Variants in IL1R1 observed in about 807,000 individuals in gnomAD.
The protein encoded by IL1R1 is interleukin-1 receptor type 1.
In IL1R1, 22 loss-of-function variants were observed where a neutral mutation model predicts 50.2. That is an observed-to-expected ratio of 0.44 (90% CI 0.31 to 0.63). IL1R1 has a LOEUF of 0.63. Ranked by LOEUF, IL1R1 falls within the 20% of genes least tolerant of loss-of-function variation. IL1R1 has a pLI of 0.07. For missense variants in IL1R1, 509 were observed against 676.2 expected, an observed-to-expected ratio of 0.75 and a Z score of 2.74; for synonymous variants, 251 against 236.7, an observed-to-expected ratio of 1.06 and a Z score of -0.55.
intron 1 of IL1R1, among the ~76,000 whole-genome samples, chr2:102,108,230 G>A (rs866821143): frequency 2.2e-5 from 2 of 91,852 alleles, no homozygotes; most frequent in African/African-American, 9.8e-5. Flanking sequence ...GTGTATGTAT[G>A]TGTGTGTGTG....
upstream of IL1R1, chr2:102,104,465 C>T (rs73943977): frequency 0.029 from 4,425 of 152,302 alleles, 219 homozygotes; most frequent in African/African-American, 0.099. Flanking sequence ...CGTGCAGTGG[C>T]GGGTGTTGGT....
In IL1R1 at chr2:102,164,947, G is replaced by A. The variant is rs200321568; in HGVS notation, c.235G>A (p.Glu79Lys). The change falls in exon 4 of 12, where the codon GAG becomes AAG. Residue 79 changes from glutamate (E) to lysine (K), a missense_variant. Transcript: ENST00000410023. Reference sequence around the variant, plus strand: ...AGCCTCCAGGATTCATCAACACAAAGAGAAACTTTGGTTTGTTCCTGCTAA... The same window carrying A: ...AGCCTCCAGGATTCATCAACACAAAAAGAAACTTTGGTTTGTTCCTGCTAA... ...EQASRIHQHK[E>K]KLWFVPAKVE... is the part of the protein sequence containing the mutation. 444 of 1,614,108 alleles carry A rather than the reference G, an allele frequency of 2.8e-4. 8 individuals carry two copies. The South Asian group carries it at 4.3e-3, about 16-fold the overall frequency.
intron 1 of IL1R1, among the ~76,000 whole-genome samples, chr2:102,095,812 G>A (rs1679876197): frequency 6.6e-6 from 1 of 152,154 alleles, no homozygotes; most frequent in South Asian, 2.1e-4. Flanking sequence ...AGACCATCCT[G>A]GCCAACATGG....
chr2:102,101,128 G>C (rs1246897930), upstream of IL1R1, among the ~76,000 whole-genome samples: 1 of 152,188 alleles, frequency 6.6e-6, no homozygotes, highest in East Asian at 1.9e-4. Flanking sequence ...GTCAAATATA[G>C]ATTTGAATTC....
At chr2:102,084,475 C>A (rs1264672959) in intron 1 of IL1R1, among the ~76,000 whole-genome samples, 1 of 152,130 alleles carries the variant, frequency 6.6e-6, no homozygotes, top group Non-Finnish European at 1.5e-5. Context: ...GATTTTATCG[C>A]CCCGTACAAA....
In IL1R1 at chr2:102,178,284, T is replaced by C. The variant is rs1199791069; in HGVS notation, c.*1525T>C. 1.3e-5 allele frequency: 2 copies of C among 152,276 alleles called. No homozygotes were observed. The highest frequency in any genetic ancestry group is 2.9e-5 in the Non-Finnish European group (2 of 68,028). The allele number at this position is 152,276 out of a possible 1,614,324, so 9.4% of individuals were successfully genotyped here. A position where few individuals can be genotyped will look rare whatever the true frequency, so the allele number is the denominator to read the frequency against. ...GGTGAGCACATCTGGGAGGCTGGTC[T>C]CCCTCCAGCTGGAATTGCTGCTCTC... On this transcript the variant is annotated 3_prime_UTR_variant, in exon 12 of 12. Transcript: ENST00000410023.
chr2:102,102,949 G>A (rs1680207085), upstream of IL1R1, among the ~76,000 whole-genome samples: 2 of 152,052 alleles, frequency 1.3e-5, no homozygotes, highest in African/African-American at 2.4e-5. Context: ...TAAACACTGA[G>A]TTCATACGGA....
At chr2:102,071,076 G>T (rs1214846710) in intron 1 of IL1R1, among the ~76,000 whole-genome samples, 1 of 151,924 alleles carries the variant, frequency 6.6e-6, no homozygotes, top group Non-Finnish European at 1.5e-5. Flanking sequence ...TTGAAGACTA[G>T]GCATCATTAT....
At chr2:102,150,107 C>G (rs1362913820) in intron 1 of IL1R1, among the ~76,000 whole-genome samples, 2 of 152,118 alleles carry the variant, frequency 1.3e-5, no homozygotes, top group African/African-American at 4.8e-5. Context: ...GAATGGAATT[C>G]CTCAACATTG....
chr2:102,126,899 T>A (rs1220103817), intron 1 of IL1R1, among the ~76,000 whole-genome samples: 1 of 152,226 alleles, frequency 6.6e-6, no homozygotes, highest in Non-Finnish European at 1.5e-5. Context: ...CTGTCCAGCC[T>A]GGGTTTTAAG....
intron 1 of IL1R1, among the ~76,000 whole-genome samples, chr2:102,150,583 C>T (rs756176252): frequency 4.6e-5 from 7 of 152,188 alleles, no homozygotes; most frequent in Non-Finnish European, 1.0e-4. Context: ...TTACCAAATA[C>T]GTCATGATCA....
intron 1 of IL1R1, among the ~76,000 whole-genome samples, chr2:102,105,769 G>A (rs1680373717): frequency 6.6e-6 from 1 of 152,126 alleles, no homozygotes; most frequent in African/African-American, 2.4e-5. Flanking sequence ...GGACCTCAAA[G>A]GTAATCTTAA....
chr2:102,118,364 T>C (rs188604800), intron 1 of IL1R1, among the ~76,000 whole-genome samples: 18 of 152,330 alleles, frequency 1.2e-4, no homozygotes, highest in Admixed American at 1.2e-3. Context: ...TTCATCTGGC[T>C]GTCTTCTGTA....
chr2:102,149,137 T>C (rs1206573556), intron 1 of IL1R1, among the ~76,000 whole-genome samples: 1 of 152,222 alleles, frequency 6.6e-6, no homozygotes, highest in Admixed American at 6.5e-5. Context: ...GACTCATTCA[T>C]GGTCACTTCT....
chr2:102,108,523 C>T (rs953384584), intron 1 of IL1R1, among the ~76,000 whole-genome samples: 13 of 152,146 alleles, frequency 8.5e-5, no homozygotes, highest in Non-Finnish European at 1.5e-4. Context: ...TGGGGTCTGA[C>T]ACCCAGAGGG....
At chr2:102,157,365 T>C (rs1285534039) in intron 2 of IL1R1, among the ~76,000 whole-genome samples, 1 of 152,090 alleles carries the variant, frequency 6.6e-6, no homozygotes, top group Non-Finnish European at 1.5e-5. Flanking sequence ...AGAGGTGAGC[T>C]GGCTTAGGGG....
chr2:102,086,199 G>A (rs1271137433), intron 1 of IL1R1, among the ~76,000 whole-genome samples: 1 of 152,110 alleles, frequency 6.6e-6, no homozygotes, highest in Non-Finnish European at 1.5e-5. Flanking sequence ...TTTAAAGGGT[G>A]GTTTCACTGG....
At chr2:102,166,081 G>T (rs779553657) in intron 5 of IL1R1, 32 bp from the exon 6 acceptor site, 77 of 1,584,444 alleles carry the variant, frequency 4.9e-5, no homozygotes, top group Non-Finnish European at 6.2e-5. Context: ...ATTGGTTATT[G>T]GTTTTCAATG....
At chr2:102,083,814 G>A (rs930732047) in intron 1 of IL1R1, among the ~76,000 whole-genome samples, 1 of 151,858 alleles carries the variant, frequency 6.6e-6, no homozygotes, top group African/African-American at 2.4e-5. Flanking sequence ...CATGGTGATG[G>A]GCGCCTGTAA....
Sources: gnomAD v4.1 joint callset for allele counts (sites outside exome capture counted in the v4.1 genomes callset) on GRCh38, gnomAD v4.1.1 for gene constraint, MANE v1.5 for transcripts, NCBI Gene and HGNC (gene_info 2026-07-23, HGNC 2026-07-21) for gene names.